The following MROH6 variants were observed in gnomAD, a reference collection of about 807,000 sequenced individuals.
The protein encoded by MROH6 is maestro heat like repeat family member 6.
MROH6 carries 62 observed loss-of-function variants against 67.7 expected under a neutral mutation model. That is an observed-to-expected ratio of 0.92 (90% CI 0.75 to 1.13). The LOEUF (loss-of-function observed/expected upper bound fraction) is 1.13, where lower values mean the gene tolerates loss of function less well. MROH6 is among the 50% of genes most tolerant of loss of function. The pLI is 0.00. For missense variants in MROH6, 1,175 were observed against 1,029.1 expected (o/e 1.14, Z -1.94); for synonymous variants, 566 against 470.8 (o/e 1.20, Z -2.62).
chr8:143,572,152 C>T lies in MROH6; in HGVS notation c.328G>A (p.Ala110Thr). The T allele has an allele frequency of 4.3e-6, 7 of 1,613,038 alleles. 1 individual carries two copies. The South Asian group carries it at 6.6e-5, about 15-fold the overall frequency. ...GCAGCCGTGTACAACGCGAGGTCGG[C>T]AAGAACTCCCTCCTCCCAGGAACTC... ...PQSSWEEGVL[A>T]DLALYTAACL... The change falls in exon 2 of 14, where the codon GCC (alanine) becomes ACC (threonine). Residue 110 changes from alanine (A) to threonine (T), a missense_variant. By Grantham distance (58) the Ala-to-Thr change is moderately conservative (BLOSUM62 0). Coordinates refer to ENST00000398882, the MANE Select transcript of MROH6 (RefSeq NM_001100878.2).
chr8:143,571,915 C>T (rs898176653), intron 2 of MROH6, 94 bp from the exon 3 acceptor site: 7 of 1,490,502 alleles, frequency 4.7e-6, no homozygotes, highest in East Asian at 2.5e-5. Context: ...ACCCTGATCC[C>T]GCCTGGCAGG....
chr8:143,568,301 G>T, intron 10 of MROH6, 40 bp from the exon 11 acceptor site: 1 of 1,571,978 alleles, frequency 6.4e-7, no homozygotes, highest in Non-Finnish European at 8.6e-7. Flanking sequence ...GGTCCAGGAA[G>T]TAGAAAGGCA....
In MROH6 at chr8:143,572,364, T is replaced by G. The variant is rs1030204878; in HGVS notation, c.294+57A>C. The G allele has an allele frequency of 2.7e-6, 4 of 1,466,166 alleles. No individual in the cohort carries two copies. The African/African-American group carries it at 4.2e-5, about 15-fold the overall frequency. The allele number at this position is 1,466,166 out of a possible 1,614,324, so 90.8% of individuals were successfully genotyped here. On this transcript the variant is annotated intron_variant, in intron 1 of 13. Transcript: ENST00000398882. Reference sequence around the variant, plus strand: ...CCCCCCTGCCACCCCGCCTTCCACCTACCATCCACAGGACCCCCAGGCCGG... The same window carrying G: ...CCCCCCTGCCACCCCGCCTTCCACCGACCATCCACAGGACCCCCAGGCCGG...
chr8:143,572,663 C>G lies in MROH6; in HGVS notation c.52G>C (p.Ala18Pro). Residue 18 changes from alanine to proline, a missense_variant, in exon 1 of 14, where the codon GCT becomes CCT. Coordinates refer to ENST00000398882, the MANE Select transcript of MROH6 (RefSeq NM_001100878.2). Reference protein sequence around the residue: ...RSRAREAPVGALTLTALTEGI... With the variant: ...RSRAREAPVGPLTLTALTEGI... The stretch of plus-strand genomic sequence containing the variant: ...TCAGTCAGTGCTGTCAGGGTTAGAG[C>G]CCCCACGGGAGCCTCCCGGGCCCGG... 1.9e-6 allele frequency: 3 copies of G among 1,550,976 alleles called. No individual in the cohort carries two copies. Among genetic ancestry groups the G allele is most frequent in the Non-Finnish European group, 1.7e-6 (2 of 1,151,388 alleles).
chr8:143,568,457 G>A, intron 10 of MROH6, 95 bp downstream of exon 10: 1 of 1,451,868 alleles, frequency 6.9e-7, no homozygotes, highest in Middle Eastern at 2.1e-4. Flanking sequence ...CTTGGGATGG[G>A]TGAGTCCCTG....
At position 143,567,410 on chromosome 8, in the gene MROH6, C is replaced by T; in HGVS notation, c.1989G>A (p.Val663=). Residue 663 remains valine (V), a synonymous_variant, in exon 14 of 14, where the codon GTG becomes GTA. Transcript: ENST00000398882. Reference sequence around the variant, plus strand: ...CCAGCATCGCCACCTGCTGAGCGGACACGTGCGCTGCCGCGGCCACAGCCG... The same window carrying T: ...CCAGCATCGCCACCTGCTGAGCGGATACGTGCGCTGCCGCGGCCACAGCCG... ...PKPAVAAAAH[V]SAQQVAMLAR... 4 of 1,308,680 alleles carry T rather than the reference C, an allele frequency of 3.1e-6. No homozygotes were observed. The highest frequency in any genetic ancestry group is 3.9e-6 in the Non-Finnish European group (4 of 1,028,400). 81.1% of individuals were successfully genotyped at this position (1,308,680 alleles called of 1,614,324 possible). A position where few individuals can be genotyped will look rare whatever the true frequency, so the allele number is the denominator to read the frequency against.
In MROH6 at chr8:143,567,638, G is replaced by A. The variant is rs1432107814; in HGVS notation, c.1906C>T (p.Gln636Ter). The change falls in exon 13 of 14, where the codon CAG becomes TAG. Residue 636 changes from glutamine to a stop codon, truncating the protein, a stop_gained. Transcript: ENST00000398882. LOFTEE classifies it low-confidence loss of function (END_TRUNC). ...VHHASPGCVN[Q>*]DLLDSLFQDL... ...TGGAACAGGGAGTCCAGCAGGTCCT[G>A]GTTGACACAGCCGGGGCTGGCGTGG... 4 of 1,572,118 alleles carry A rather than the reference G, an allele frequency of 2.5e-6. No homozygotes were observed. The highest frequency in any genetic ancestry group is 2.4e-5 in the East Asian group (1 of 42,340).
In MROH6 at chr8:143,567,571, C is replaced by T. The variant is rs371725467; in HGVS notation, c.1933+40G>A. ...GTCCACTCCGCCCTAGCACCAGCCA[C>T]GTCTCCAGGACACCATCCCCTGGCA... On this transcript the variant is annotated intron_variant, in intron 13 of 13. Transcript: ENST00000398882. 684 of 1,534,068 alleles carry T rather than the reference C, an allele frequency of 4.5e-4. 1 individual carries two copies. The highest frequency in any genetic ancestry group is 2.4e-3 in the Middle Eastern group (12 of 5,052).
At chr8:143,571,966 C>A in intron 2 of MROH6, 67 bp downstream of exon 2, 1 of 1,546,830 alleles carries the variant, frequency 6.5e-7, no homozygotes, top group Non-Finnish European at 8.7e-7. Context: ...GCTCTCCAGG[C>A]CCCTCCCACC....
chr8:143,568,737 G>C lies in MROH6; in HGVS notation c.1477-18C>G. The C allele has an allele frequency of 1.4e-6, 2 of 1,463,244 alleles. No homozygotes were observed. Among genetic ancestry groups the C allele is most frequent in the Non-Finnish European group, 1.8e-6 (2 of 1,108,256 alleles). 90.6% of individuals were successfully genotyped at this position (1,463,244 alleles called of 1,614,324 possible). ...TCCCGTGTCTGCGTGGGAGGGCGCAGTCAGGGCAGGCGGAGACAGAGAGGG... is the reference window on the plus strand; with the variant it reads ...TCCCGTGTCTGCGTGGGAGGGCGCACTCAGGGCAGGCGGAGACAGAGAGGG... On this transcript the variant is annotated intron_variant, in intron 9 of 13. Transcript: ENST00000398882.
chr8:143,568,709 G>A lies in MROH6; in HGVS notation c.1487C>T (p.Ser496Leu), dbSNP rs911584084. ...GAGCCCGACGGCCGAGGCGCGGATT[G>A]AGTCCCGTGTCTGCGTGGGAGGGCG... The part of the protein sequence containing the change: ...LPPLLDDTRD[S>L]IRASAVGLLG... The change falls in exon 10 of 14, where the codon TCA (serine) becomes TTA (leucine). Residue 496 changes from serine to leucine, a missense_variant. Transcript: ENST00000398882. 2 of 1,493,606 alleles carry A rather than the reference G, an allele frequency of 1.3e-6. No homozygotes were observed. Among genetic ancestry groups the A allele is most frequent in the Non-Finnish European group, 1.8e-6 (2 of 1,123,338 alleles). The allele number at this position is 1,493,606 out of a possible 1,614,324, so 92.5% of individuals were successfully genotyped here.
chr8:143,571,602 C>A, intron 3 of MROH6, 65 bp downstream of exon 3: 1 of 1,541,474 alleles, frequency 6.5e-7, no homozygotes, highest in Non-Finnish European at 8.7e-7. Flanking sequence ...GGCCAGACTC[C>A]ACCGCCAAGC....
Position 143,569,721 on chromosome 8 carries a change from G to A in MROH6, c.1278C>T (p.Gly426=), listed in dbSNP as rs1425597338. ...CCTTCCTGCGATTCAGCGCGAGGTG[G>A]CCCAGGCCCAGCAGGCCCAACCAGC... is the stretch of plus-strand genomic sequence containing the variant. ...TVRWLGLLGL[G]HLALNRRKVR... The change falls in exon 8 of 14, where the codon GGC becomes GGT. Residue 426 remains glycine (G), a synonymous_variant. Transcript: ENST00000398882. The A allele has an allele frequency of 6.2e-7, 1 of 1,613,114 alleles. No homozygotes were observed. Among genetic ancestry groups the A allele is most frequent in the Admixed American group, 1.7e-5 (1 of 60,010 alleles).
rs747948367 is a variant in MROH6 at position 143,568,595 on chromosome 8, G to A, written c.1601C>T (p.Pro534Leu). ...LRKLVLQSLV[P>L]LLLRLHDPSR... ...GGGGTCATGCAGGCGCAGCAGCAGC[G>A]GCACGAGACTCTGCAGCACCAGCTT... Residue 534 changes from proline to leucine, a missense_variant, in exon 10 of 14, where the codon CCG becomes CTG. Transcript: ENST00000398882. 2.0e-5 allele frequency: 31 copies of A among 1,546,710 alleles called. No homozygotes were observed. The highest frequency in any genetic ancestry group is 4.0e-4 in the Middle Eastern group (2 of 5,040).
At position 143,572,092 on chromosome 8, in the gene MROH6, C is replaced by T. The variant is rs1192283110; in HGVS notation, c.388G>A (p.Ala130Thr). 1.9e-6 allele frequency: 3 copies of T among 1,612,860 alleles called. No individual in the cohort carries two copies. Among genetic ancestry groups the T allele is most frequent in the East Asian group, 2.2e-5 (1 of 44,868 alleles). The change falls in exon 2 of 14, where the codon GCG becomes ACG. Residue 130 changes from alanine to threonine, a missense_variant. Ala to Thr is a moderately conservative substitution (Grantham distance 58, BLOSUM62 0). Coordinates refer to ENST00000398882, the MANE Select transcript of MROH6 (RefSeq NM_001100878.2). ...LEEAGFAGTQ[A>T]TVLTLSSALE... ...GCTGAGGACAGGGTGAGCACTGTCG[C>T]CTGGGTCCCTGCAAAGCCAGCCTCC... is the stretch of plus-strand genomic sequence containing the variant.
chr8:143,568,990 G>C (rs1413404040), intron 9 of MROH6: 2 of 424,856 alleles, frequency 4.7e-6, no homozygotes, highest in Non-Finnish European at 8.1e-6. Flanking sequence ...GGCGGAGCTG[G>C]GCGACAGCAG....
At position 143,570,238 on chromosome 8, in the gene MROH6, C is replaced by T. The variant is rs1290963319; in HGVS notation, c.1043+5G>A. 6.3e-7 allele frequency: 1 copy of T among 1,578,110 alleles called. No individual in the cohort carries two copies. The highest frequency in any genetic ancestry group is 8.6e-7 in the Non-Finnish European group (1 of 1,164,278). ...CACCCTGGGGCCCCTCCTCACCCTC[C>T]TCACCTGGCCAGCAGCAGGACGCCC... On this transcript the variant is annotated splice_donor_5th_base_variant and intron_variant, in intron 6 of 13. Transcript: ENST00000398882.
At chr8:143,568,003 G>C (rs932963315) in intron 11 of MROH6, 115 bp from the exon 12 acceptor site, 8 of 1,441,992 alleles carry the variant, frequency 5.5e-6, no homozygotes, top group Non-Finnish European at 7.4e-6. Context: ...CAGGTGGCAT[G>C]GTCGGAGACC....
intron 1 of MROH6, 71 bp downstream of exon 1, chr8:143,572,349 AC>A: frequency 6.9e-7 from 1 of 1,459,296 alleles, no homozygotes; most frequent in Non-Finnish European, 9.2e-7. Flanking sequence ...CCCCCCTGCC[AC>A]CCCGCCTTCC....
Sources: allele counts gnomAD v4.1 joint callset, GRCh38; gene constraint gnomAD v4.1.1; transcripts MANE v1.5; gene names NCBI Gene and HGNC (gene_info 2026-07-23, HGNC 2026-07-21).